Variants in RSRC2 observed in about 807,000 individuals in gnomAD.
RSRC2 encodes arginine and serine rich coiled-coil 2.
Under a neutral mutation model 61.3 loss-of-function variants are expected in RSRC2, and 5 were observed. The observed-to-expected ratio is 0.08, with a 90% CI of 0.04 to 0.17. RSRC2 has a LOEUF of 0.17. Ranked by LOEUF, RSRC2 falls within the 10% of genes least tolerant of loss-of-function variation. RSRC2 has a pLI of 1.00. For synonymous variants in RSRC2, 202 were observed against 166.5 expected, an observed-to-expected ratio of 1.21 and a Z score of -1.64; for missense variants, 381 against 518.8, an observed-to-expected ratio of 0.73 and a Z score of 2.58.
In RSRC2 at chr12:122,517,405, G is replaced by A. The variant is rs755533623; in HGVS notation, c.424C>T (p.Arg142Trp). 1.4e-5 allele frequency: 22 copies of A among 1,613,856 alleles called. No homozygotes were observed. Among genetic ancestry groups the A allele is most frequent in the South Asian group, 4.4e-5 (4 of 91,070 alleles). Reference sequence around the variant, plus strand: ...CTACTCCTGGATCGAGACTTCTTCCGCTCCCTGCTTCTACTACGATGGCGT... The same window carrying A: ...CTACTCCTGGATCGAGACTTCTTCCACTCCCTGCTTCTACTACGATGGCGT... ...ERRHRSRSRE[R>W]KKSRSRSRER... Residue 142 changes from arginine to tryptophan, a missense_variant, in exon 5 of 10, where the codon CGG (arginine) becomes TGG (tryptophan). Coordinates refer to ENST00000331738, the MANE Select transcript of RSRC2 (RefSeq NM_023012.6).
At chr12:122,508,827 A>C (rs1453782138) in intron 7 of RSRC2, among the ~76,000 whole-genome samples, 1 of 151,930 alleles carries the variant, frequency 6.6e-6, no homozygotes, top group Non-Finnish European at 1.5e-5. Context: ...GTGGTGGTAC[A>C]TGCCCGTAAT....
intron 5 of RSRC2, among the ~76,000 whole-genome samples, chr12:122,516,436 A>T (rs145874838): frequency 6.6e-6 from 1 of 152,338 alleles, no homozygotes; most frequent in East Asian, 1.9e-4. Flanking sequence ...AAGCACATGC[A>T]TGGAATTTGC....
At chr12:122,526,258 T>C (rs1960365026) in intron 1 of RSRC2, 1 of 152,562 alleles carries the variant, frequency 6.6e-6, no homozygotes, top group African/African-American at 2.4e-5. Flanking sequence ...CACAACCTTT[T>C]AAGTTGAATT....
Position 122,515,098 on chromosome 12 carries a change from TACAC to T in RSRC2, c.725+3_725+6del. The stretch of plus-strand genomic sequence containing the variant: ...ACTGGAACAAATGAATTAAGAAATA[TACAC>T]ACCTTCTAGCTAAAGCTTCCTGTGC... On this transcript the variant is annotated splice_donor_5th_base_variant and intron_variant, in intron 6 of 9. Coordinates refer to ENST00000331738, the MANE Select transcript of RSRC2 (RefSeq NM_023012.6). The T allele has an allele frequency of 6.2e-7, 1 of 1,612,364 alleles. No individual in the cohort carries two copies. The highest frequency in any genetic ancestry group is 8.5e-7 in the Non-Finnish European group (1 of 1,179,488).
Position 122,522,254 on chromosome 12 carries a change from G to C in RSRC2, c.52C>G (p.Pro18Ala). ...RDGLAPEKTS[P>A]DRDKKKEQSE... is the part of the protein sequence containing the mutation. Reference sequence around the variant, plus strand: ...TGCTCTTTTTTCTTATCTCTATCTGGTGATGTCTTTTCTGGGGCTAGTCCA... The same window carrying C: ...TGCTCTTTTTTCTTATCTCTATCTGCTGATGTCTTTTCTGGGGCTAGTCCA... The change falls in exon 2 of 10, where the codon CCA becomes GCA. Residue 18 changes from proline to alanine, a missense_variant. Pro to Ala is a conservative substitution (Grantham distance 27). Around this residue, in one of 4 missense-constraint regions of RSRC2, gnomAD observed 266 missense variants for 270.5 expected, o/e 0.98. Transcript: ENST00000331738. 8.1e-6 allele frequency: 13 copies of C among 1,613,672 alleles called. No individual in the cohort carries two copies. Among genetic ancestry groups the C allele is most frequent in the Non-Finnish European group, 1.1e-5 (13 of 1,179,854 alleles).
intron 1 of RSRC2, among the ~76,000 whole-genome samples, chr12:122,524,825 C>T (rs1485690028): frequency 1.3e-5 from 2 of 152,174 alleles, no homozygotes; most frequent in East Asian, 3.8e-4. Context: ...TAATTTAGTA[C>T]TAATCTATGT....
chr12:122,524,019 A>T (rs1254705458), intron 1 of RSRC2, among the ~76,000 whole-genome samples: 2 of 152,220 alleles, frequency 1.3e-5, no homozygotes, highest in Non-Finnish European at 2.9e-5. Context: ...CATATTGTAT[A>T]TGTACTTATT....
intron 1 of RSRC2, among the ~76,000 whole-genome samples, chr12:122,524,976 G>A (rs564116219): frequency 6.6e-6 from 1 of 152,250 alleles, no homozygotes; most frequent in Admixed American, 6.5e-5. Flanking sequence ...TTTCCACTGC[G>A]AAGGAGGTAA....
In RSRC2 at chr12:122,517,399, T is replaced by C; in HGVS notation, c.430A>G (p.Lys144Glu). 1.2e-6 allele frequency: 2 copies of C among 1,614,186 alleles called. No homozygotes were observed. Among genetic ancestry groups the C allele is most frequent in the Non-Finnish European group, 1.7e-6 (2 of 1,180,026 alleles). Residue 144 changes from lysine (K) to glutamate (E), a missense_variant, in exon 5 of 10, where the codon AAG becomes GAG. By Grantham distance (56) the Lys-to-Glu change is moderately conservative. This residue lies in a region of RSRC2 where 266 missense variants were observed against 270.5 expected (regional missense o/e 0.98). Coordinates refer to ENST00000331738, the MANE Select transcript of RSRC2 (RefSeq NM_023012.6). ...CGCTCCCTACTCCTGGATCGAGACT[T>C]CTTCCGCTCCCTGCTTCTACTACGA... ...RHRSRSRERK[K>E]SRSRSRERKK... is the part of the protein sequence containing the mutation.
chr12:122,514,805 A>C, intron 6 of RSRC2: 1 of 830,610 alleles, frequency 1.2e-6, no homozygotes, highest in Non-Finnish European at 1.5e-6. Context: ...AACCAGATTT[A>C]AGACTCAAAA....
intron 1 of RSRC2, among the ~76,000 whole-genome samples, chr12:122,525,727 A>G (rs906234632): frequency 2.6e-5 from 4 of 151,144 alleles, no homozygotes; most frequent in African/African-American, 9.7e-5. Flanking sequence ...AGAATTGGGT[A>G]TCTTATACAC....
chr12:122,520,238 G>A (rs1317093007), intron 3 of RSRC2: 1 of 240,948 alleles, frequency 4.2e-6, no homozygotes, highest in South Asian at 4.3e-5. Flanking sequence ...ATTATTTGCA[G>A]AAAAATAAGA....
At chr12:122,507,154 A>C in intron 8 of RSRC2, 1 of 519,222 alleles carries the variant, frequency 1.9e-6, no homozygotes, top group South Asian at 1.9e-5. Context: ...GAGGTGGGCA[A>C]ATCACCTGAG....
chr12:122,505,682 A>T lies in RSRC2; in HGVS notation c.1150T>A (p.Ser384Thr). The change falls in exon 10 of 10, where the codon TCA becomes ACA. Residue 384 changes from serine (S) to threonine (T), a missense_variant. Ser to Thr is a moderately conservative substitution (Grantham distance 58). Coordinates refer to ENST00000331738, the MANE Select transcript of RSRC2 (RefSeq NM_023012.6). ...GTCTTGTAACTTTCTTCATCAACTG[A>T]GCTACATCCAGCTTCATCTTCACTC... is the stretch of plus-strand genomic sequence containing the variant. ...IKSEDEAGCS[S>T]VDEESYKTLK... The T allele has an allele frequency of 6.2e-7, 1 of 1,613,904 alleles. No individual in the cohort carries two copies. Among genetic ancestry groups the T allele is most frequent in the East Asian group, 2.2e-5 (1 of 44,876 alleles).
At chr12:122,510,662 T>C (rs937203720) in intron 7 of RSRC2, among the ~76,000 whole-genome samples, 1 of 152,208 alleles carries the variant, frequency 6.6e-6, no homozygotes, top group African/African-American at 2.4e-5. Context: ...AACACTAAAA[T>C]ACACGTTTAC....
At chr12:122,511,210 A>G (rs772805328) in intron 6 of RSRC2, 22 bp from the exon 7 acceptor site, 21 of 1,542,648 alleles carry the variant, frequency 1.4e-5, no homozygotes, top group African/African-American at 4.1e-5. Context: ...ATTTCAATGA[A>G]TTTAAAATAA....
chr12:122,521,393 T>C lies in RSRC2; in HGVS notation c.199A>G (p.Ser67Gly), dbSNP rs758661386. Residue 67 changes from serine (S) to glycine (G), a missense_variant, in exon 3 of 10, where the codon AGC becomes GGC. Around this residue, in one of 4 missense-constraint regions of RSRC2, gnomAD observed 266 missense variants for 270.5 expected, o/e 0.98. Transcript: ENST00000331738. ...EGRKHRSRSRSKEGRRHESKD... is the reference protein window; with the variant it reads ...EGRKHRSRSRGKEGRRHESKD... ...TACAAAGTGTTAATTACCTCTTTGC[T>C]TCTGCTCCGGCTCCTGTGTTTTCTT... 1 of 1,611,920 alleles carries C rather than the reference T, an allele frequency of 6.2e-7. No homozygotes were observed. The highest frequency in any genetic ancestry group is 1.7e-5 in the Admixed American group (1 of 60,020).
intron 7 of RSRC2, 34 bp downstream of exon 7, chr12:122,511,075 A>G (rs527949355): frequency 2.7e-6 from 4 of 1,496,322 alleles, no homozygotes; most frequent in African/African-American, 1.4e-5. Flanking sequence ...AAGAGCTCAA[A>G]TCGAGATGAC....
chr12:122,522,475 G>C (rs1026010239), intron 1 of RSRC2, 176 bp from the exon 2 acceptor site: 1 of 514,628 alleles, frequency 1.9e-6, no homozygotes, highest in Non-Finnish European at 3.3e-6. Flanking sequence ...GGCTTGAAAT[G>C]ACGAACCTGA....
Sources: allele counts gnomAD v4.1 joint callset (sites outside exome capture counted in the v4.1 genomes callset), GRCh38; gene constraint gnomAD v4.1.1; regional missense constraint gnomAD v4.1.1; transcripts MANE v1.5; gene names NCBI Gene and HGNC (gene_info 2026-07-23, HGNC 2026-07-21).